Variants in BCL2L13 observed in about 807,000 individuals in gnomAD.
The protein encoded by BCL2L13 is bcl-2-like protein 13.
In BCL2L13, 13 loss-of-function variants were observed where a neutral mutation model predicts 25.8. That is an observed-to-expected ratio of 0.50 (90% CI 0.33 to 0.80). The LOEUF (loss-of-function observed/expected upper bound fraction) is 0.80, where lower values mean the gene tolerates loss of function less well. BCL2L13 is among the 30% of genes least tolerant of loss of function. The probability of loss-of-function intolerance (pLI) is 0.02; values close to 1 mark genes in which losing one functional copy is unlikely to be tolerated. For synonymous variants in BCL2L13, 244 were observed against 230.3 expected (o/e 1.06, Z -0.54); for missense variants, 504 against 574.9 (o/e 0.88, Z 1.26).
intron 2 of BCL2L13, among the ~76,000 whole-genome samples, chr22:17,664,800 C>T (rs1483627901): frequency 6.6e-6 from 1 of 152,234 alleles, no homozygotes; most frequent in Non-Finnish European, 1.5e-5. Context: ...AAGCCATTTC[C>T]CGAGCTGTAC....
intron 2 of BCL2L13, among the ~76,000 whole-genome samples, chr22:17,668,465 T>C (rs1242026432): frequency 1.3e-5 from 2 of 151,668 alleles, no homozygotes; most frequent in East Asian, 1.9e-4. Flanking sequence ...TTTTTTTTTT[T>C]CTCCTGAGAT....
intron 6 of BCL2L13, among the ~76,000 whole-genome samples, chr22:17,705,718 A>G (rs1568996524): frequency 1.3e-5 from 2 of 152,300 alleles, no homozygotes; most frequent in East Asian, 3.9e-4. Flanking sequence ...AAACCCTTCC[A>G]GAAGAGAATC....
rs1372608433 is a variant in BCL2L13 at position 17,726,986 on chromosome 22, A to G, written c.910A>G (p.Asn304Asp). Residue 304 changes from asparagine (N) to aspartate (D), a missense_variant, in exon 7 of 7, where the codon AAT becomes GAT. Asn to Asp is a conservative substitution (Grantham distance 23, BLOSUM62 1). Coordinates refer to ENST00000317582, the MANE Select transcript of BCL2L13 (RefSeq NM_015367.4). The stretch of plus-strand genomic sequence containing the variant: ...AGAGAAGAGTGAGAACAACTCCTCT[A>G]ATTCTGACATTGTGCACGTGGAGAA... The part of the protein sequence containing the change: ...AGEKSENNSS[N>D]SDIVHVEKEE... 6.2e-7 allele frequency: 1 copy of G among 1,614,174 alleles called. No individual in the cohort carries two copies. The highest frequency in any genetic ancestry group is 1.1e-5 in the South Asian group (1 of 91,082).
chr22:17,685,760 C>CTTTTTT (rs1166792513), intron 3 of BCL2L13, among the ~76,000 whole-genome samples: 6,122 of 60,684 alleles, frequency 0.1, 1,362 homozygotes, highest in East Asian at 0.13. Flanking sequence ...TTTTCTTTTT[C>CTTTTTT]TTTTTTTTTT....
At chr22:17,721,266 T>C (rs757203870) in intron 6 of BCL2L13, among the ~76,000 whole-genome samples, 1 of 152,186 alleles carries the variant, frequency 6.6e-6, no homozygotes, top group African/African-American at 2.4e-5. Context: ...TGATTCAAAT[T>C]GTTCCACAGT....
chr22:17,723,867 A>G (rs1014985134), intron 6 of BCL2L13, among the ~76,000 whole-genome samples: 1 of 151,102 alleles, frequency 6.6e-6, no homozygotes, highest in Non-Finnish European at 1.5e-5. Context: ...TGGGAGACGG[A>G]GGTTGCAGTG....
At chr22:17,655,508 G>A (rs565591218) in intron 1 of BCL2L13, among the ~76,000 whole-genome samples, 154 bp from the exon 2 acceptor site, 1 of 149,494 alleles carries the variant, frequency 6.7e-6, no homozygotes, top group African/African-American at 2.5e-5. Context: ...GGCAGAGGTT[G>A]TGGTGAGCTG....
chr22:17,711,085 G>A (rs542462907), intron 6 of BCL2L13, among the ~76,000 whole-genome samples: 2 of 151,154 alleles, frequency 1.3e-5, no homozygotes, highest in East Asian at 2.0e-4. Flanking sequence ...GTGGTGGTGC[G>A]GTGGCTCATG....
chr22:17,715,544 A>G (rs892148232), intron 6 of BCL2L13, among the ~76,000 whole-genome samples: 1 of 152,084 alleles, frequency 6.6e-6, no homozygotes, highest in Non-Finnish European at 1.5e-5. Context: ...GAATCCTGTG[A>G]GGCACATGGG....
chr22:17,637,478 G>T (rs1016612439), upstream of BCL2L13, among the ~76,000 whole-genome samples: 1 of 150,484 alleles, frequency 6.6e-6, no homozygotes, highest in African/African-American at 2.4e-5. Context: ...AGGCTCAAGC[G>T]ATTCTCCTGC....
chr22:17,724,550 T>C (rs756131319), intron 6 of BCL2L13, among the ~76,000 whole-genome samples: 4 of 152,244 alleles, frequency 2.6e-5, no homozygotes, highest in Non-Finnish European at 5.9e-5. Context: ...TGCAGTATGA[T>C]GCCGACATCA....
chr22:17,699,476 CAGG>C (rs1297635576), intron 5 of BCL2L13, among the ~76,000 whole-genome samples: 1 of 152,072 alleles, frequency 6.6e-6, no homozygotes, highest in Non-Finnish European at 1.5e-5. Context: ...GAAGAGATGT[CAGG>C]AGATTAAATA....
At chr22:17,649,054 GC>G (rs2058588667) in intron 1 of BCL2L13, among the ~76,000 whole-genome samples, 1 of 151,738 alleles carries the variant, frequency 6.6e-6, no homozygotes, top group African/African-American at 2.4e-5. Flanking sequence ...TCCTGCCTCA[GC>G]CCCCCACATT....
intron 4 of BCL2L13, among the ~76,000 whole-genome samples, chr22:17,694,961 G>A (rs1417858908): frequency 6.6e-6 from 1 of 152,150 alleles, no homozygotes; most frequent in African/African-American, 2.4e-5. Context: ...GCTGAGATTT[G>A]CTGCAATCCC....
At chr22:17,662,198 G>A (rs936702675) in intron 2 of BCL2L13, among the ~76,000 whole-genome samples, 4 of 152,126 alleles carry the variant, frequency 2.6e-5, no homozygotes, top group African/African-American at 4.8e-5. Context: ...TTACTGAGGG[G>A]CTGCGCGTGG....
chr22:17,693,526 T>C (rs79313462), intron 4 of BCL2L13, among the ~76,000 whole-genome samples: 2,235 of 151,678 alleles, frequency 0.015, 57 homozygotes, highest in African/African-American at 0.051. Flanking sequence ...ATTACAGGCA[T>C]GCGCCAACAC....
chr22:17,693,539 G>A (rs554167453), intron 4 of BCL2L13, among the ~76,000 whole-genome samples: 4 of 151,368 alleles, frequency 2.6e-5, no homozygotes, highest in Non-Finnish European at 4.4e-5. Flanking sequence ...GCCAACACGC[G>A]CAGCTAATTT....
chr22:17,699,961 A>G (rs2060382476), intron 5 of BCL2L13, among the ~76,000 whole-genome samples: 1 of 152,178 alleles, frequency 6.6e-6, no homozygotes, highest in Non-Finnish European at 1.5e-5. Context: ...AGGTCCCTGA[A>G]GATAGCATGC....
intron 6 of BCL2L13, among the ~76,000 whole-genome samples, chr22:17,719,153 C>CAAAA (rs59630355): frequency 1.7e-3 from 77 of 45,382 alleles, no homozygotes; most frequent in Non-Finnish European, 2.0e-3. Context: ...GGCTCTGTCT[C>CAAAA]AAAAAAAAAA....
Sources: allele counts gnomAD v4.1 joint callset (sites outside exome capture counted in the v4.1 genomes callset), GRCh38; gene constraint gnomAD v4.1.1; transcripts MANE v1.5; gene names NCBI Gene and HGNC (gene_info 2026-07-23, HGNC 2026-07-21).